THADA: variants seen among roughly 807,000 people sequenced by gnomAD.
THADA encodes the protein THADA armadillo repeat containing.
THADA carries 213 observed loss-of-function variants against 219.8 expected under a neutral mutation model. The ratio of observed to expected loss-of-function variants is 0.97; its 90% CI spans 0.87 to 1.09. The LOEUF (loss-of-function observed/expected upper bound fraction) is 1.09, where lower values mean the gene tolerates loss of function less well. Among genes scored for constraint, THADA ranks in the 50% least tolerant of loss-of-function variants. The pLI is 0.00. For missense variants in THADA, 2,956 were observed against 2,311.3 expected, an observed-to-expected ratio of 1.28 and a Z score of -5.72; for synonymous variants, 1,018 against 828.9, an observed-to-expected ratio of 1.23 and a Z score of -3.92.
At chr2:43,284,351 ACAGCACG>A (rs769885123) in intron 35 of THADA, among the ~76,000 whole-genome samples, 50 of 152,262 alleles carry the variant, frequency 3.3e-4, no homozygotes, top group Admixed American at 1.5e-3. Flanking sequence ...GCCTCAGGAC[ACAGCACG>A]CTGTGTCCCA....
chr2:43,523,103 T>A (rs933128458), intron 22 of THADA, among the ~76,000 whole-genome samples: 4 of 152,104 alleles, frequency 2.6e-5, no homozygotes, highest in Non-Finnish European at 4.4e-5. Context: ...CGGTGGCTCA[T>A]GTCCGTAATC....
chr2:43,351,296 T>C (rs921140994), intron 29 of THADA, among the ~76,000 whole-genome samples: 17 of 152,214 alleles, frequency 1.1e-4, no homozygotes, highest in African/African-American at 4.1e-4. Flanking sequence ...TAATTTCTGT[T>C]TCCTCCACTT....
intron 26 of THADA, among the ~76,000 whole-genome samples, chr2:43,458,896 T>C (rs898437383): frequency 3.9e-5 from 6 of 152,188 alleles, no homozygotes; most frequent in Admixed American, 6.5e-5. Context: ...TTAATGTACT[T>C]ATTTAACAAA....
At chr2:43,519,400 G>A (rs1162948138) in intron 22 of THADA, among the ~76,000 whole-genome samples, 2 of 152,058 alleles carry the variant, frequency 1.3e-5, no homozygotes, top group Non-Finnish European at 2.9e-5. Flanking sequence ...CAGTGCTTTA[G>A]AATGAAAATA....
At chr2:43,287,298 C>CT (rs1178957731) in intron 34 of THADA, among the ~76,000 whole-genome samples, 16 of 151,200 alleles carry the variant, frequency 1.1e-4, no homozygotes, top group Admixed American at 2.0e-4. Context: ...TTCCTTTAGT[C>CT]TTTTTTTTTG....
At chr2:43,535,328 A>G (rs2103777839) in intron 21 of THADA, among the ~76,000 whole-genome samples, 1 of 151,580 alleles carries the variant, frequency 6.6e-6, no homozygotes, top group East Asian at 1.9e-4. Context: ...GAAGGTTTTT[A>G]GTTTGATATA....
intron 12 of THADA, 85 bp downstream of exon 12, chr2:43,572,729 G>T: frequency 8.0e-7 from 1 of 1,250,188 alleles, no homozygotes; most frequent in Non-Finnish European, 1.1e-6. Context: ...AACAGTTCAG[G>T]ATACAATGTA....
In THADA at chr2:43,231,145, GCT is replaced by G; in HGVS notation, c.5663_5664del (p.Glu1888AlafsTer6). 1 of 1,613,860 alleles carries G rather than the reference GCT, an allele frequency of 6.2e-7. No individual in the cohort carries two copies. The highest frequency in any genetic ancestry group is 1.1e-5 in the South Asian group (1 of 91,052). ...QCHLLSQFFR[E>X]LPPAAEFVKT... ...TTCACAAACTCAGCAGCTGGTGGAA[GCT>G]CTCTGAAGAACTGAGACAGGAGGTG... On this transcript the variant is annotated frameshift_variant, in exon 38 of 38. Transcript: ENST00000405975. LOFTEE classifies it high-confidence loss of function.
At chr2:43,403,973 G>A (rs1373664282) in intron 28 of THADA, among the ~76,000 whole-genome samples, 1 of 152,154 alleles carries the variant, frequency 6.6e-6, no homozygotes, top group East Asian at 1.9e-4. Flanking sequence ...CTATTTAATA[G>A]GCCATCTCTA....
intron 2 of THADA, 46 bp from the exon 3 acceptor site, chr2:43,592,092 G>C (rs1022337788): frequency 4.9e-6 from 7 of 1,439,150 alleles, no homozygotes; most frequent in South Asian, 1.4e-5. Flanking sequence ...TTAACAGTGA[G>C]TTAACTTTGC....
Position 43,286,998 on chromosome 2 carries a change from C to G in THADA, c.5074G>C (p.Asp1692His). 1 of 1,613,936 alleles carries G rather than the reference C, an allele frequency of 6.2e-7. No homozygotes were observed. The highest frequency in any genetic ancestry group is 8.5e-7 in the Non-Finnish European group (1 of 1,179,872). The change falls in exon 35 of 38, where the codon GAC (aspartate) becomes CAC (histidine). Residue 1692 changes from aspartate to histidine, a missense_variant. Asp to His is a moderately conservative substitution (Grantham distance 81). Transcript: ENST00000405975. ...WVQLVILSCEDHLPTESRLAV... is the reference protein window; with the variant it reads ...WVQLVILSCEHHLPTESRLAV... ...AGCCTAGACTCTGTAGGAAGATGGT[C>G]TTCACATGACAAGATGACCAGCTGA...
chr2:43,528,047 A>T, intron 21 of THADA, 59 bp from the exon 22 acceptor site: 8 of 1,272,340 alleles, frequency 6.3e-6, no homozygotes, highest in Non-Finnish European at 5.7e-6. Context: ...AAGTGTATTT[A>T]TATCAGTAAC....
intron 28 of THADA, among the ~76,000 whole-genome samples, chr2:43,405,845 T>C (rs375385768): frequency 1.3e-5 from 2 of 152,124 alleles, no homozygotes; most frequent in South Asian, 4.2e-4. Context: ...TGCAAATTAA[T>C]TCTAAGCAAC....
chr2:43,276,400 G>C (rs1453572177), intron 36 of THADA, among the ~76,000 whole-genome samples: 1 of 152,204 alleles, frequency 6.6e-6, no homozygotes, highest in African/African-American at 2.4e-5. Flanking sequence ...AGGTGAATAA[G>C]AAATCTGTTC....
At chr2:43,270,096 C>T (rs1240461941) in intron 36 of THADA, among the ~76,000 whole-genome samples, 1 of 152,184 alleles carries the variant, frequency 6.6e-6, no homozygotes, top group Non-Finnish European at 1.5e-5. Context: ...AGGGGGCATC[C>T]CTACATTTCT....
intron 22 of THADA, among the ~76,000 whole-genome samples, chr2:43,525,734 G>C (rs1485972287): frequency 6.6e-6 from 1 of 152,160 alleles, no homozygotes; most frequent in Non-Finnish European, 1.5e-5. Context: ...CCAAATTGTT[G>C]AGATACAAAA....
At position 43,338,109 on chromosome 2, in the gene THADA, C is replaced by G. The variant is rs79126697; in HGVS notation, c.4343+6013G>C. 3.5e-3 allele frequency among the ~76,000 whole-genome samples: 532 copies of G among 150,222 alleles called. 3 individuals are homozygous for G. Among genetic ancestry groups the G allele is most frequent in the Non-Finnish European group, 4.6e-3 (311 of 67,780 alleles). ...TATCCATTTTTGAGTGTACAGTTTG[C>G]TAGTGTTAAGCACATCCATATTGTT... is the stretch of plus-strand genomic sequence containing the variant. On this transcript the variant is annotated intron_variant, in intron 30 of 37. Coordinates refer to ENST00000405975, the MANE Select transcript of THADA (RefSeq NM_022065.5).
intron 29 of THADA, among the ~76,000 whole-genome samples, chr2:43,360,335 G>A (rs1669361965): frequency 6.6e-6 from 1 of 152,156 alleles, no homozygotes; most frequent in African/African-American, 2.4e-5. Flanking sequence ...ATTACCATGT[G>A]GGCTGAGATA....
intron 22 of THADA, among the ~76,000 whole-genome samples, chr2:43,514,970 TAA>T (rs1491234082): frequency 1.4e-5 from 1 of 73,962 alleles, no homozygotes; most frequent in African/African-American, 5.6e-5. Context: ...ATTTTATATA[TAA>T]TATATAACAT....
Sources: allele counts gnomAD v4.1 joint callset (sites outside exome capture counted in the v4.1 genomes callset), GRCh38; gene constraint gnomAD v4.1.1; transcripts MANE v1.5; gene names NCBI Gene and HGNC (gene_info 2026-07-23, HGNC 2026-07-21).